The following GALNTL5 variants were observed in gnomAD, a reference collection of about 807,000 sequenced individuals.
GALNTL5 encodes the protein polypeptide N-acetylgalactosaminyltransferase like 5.
Under a neutral mutation model 51.0 loss-of-function variants are expected in GALNTL5, and 44 were observed. The observed-to-expected ratio is 0.86, with a 90% CI of 0.68 to 1.11. The LOEUF is 1.11. GALNTL5 is among the 50% of genes least tolerant of loss of function. The pLI is 0.00. For synonymous variants in GALNTL5, 192 were observed against 182.8 expected (o/e 1.05, Z -0.41); for missense variants, 528 against 531.8 (o/e 0.99, Z 0.07).
intron 3 of GALNTL5, among the ~76,000 whole-genome samples, chr7:151,980,967 G>T (rs920768064): frequency 1.3e-5 from 2 of 151,596 alleles, no homozygotes; most frequent in Non-Finnish European, 2.9e-5. Flanking sequence ...GGATGGTCTC[G>T]ATCTCCTGAC....
intron 2 of GALNTL5, among the ~76,000 whole-genome samples, chr7:151,968,670 C>T (rs952863040): frequency 5.9e-5 from 9 of 152,234 alleles, no homozygotes; most frequent in African/African-American, 2.2e-4. Flanking sequence ...TGAGTAGAAC[C>T]TGATTCTCTG....
At chr7:151,958,365 A>T (rs2080950457) in intron 1 of GALNTL5, among the ~76,000 whole-genome samples, 1 of 152,194 alleles carries the variant, frequency 6.6e-6, no homozygotes, top group African/African-American at 2.4e-5. Flanking sequence ...ATGAGGGGGA[A>T]CATGGTGGTG....
chr7:151,981,139 C>T (rs1012734980), intron 3 of GALNTL5, among the ~76,000 whole-genome samples: 1 of 152,114 alleles, frequency 6.6e-6, no homozygotes, highest in Non-Finnish European at 1.5e-5. Flanking sequence ...GAATCTTTTC[C>T]AGTCAATATT....
intron 7 of GALNTL5, among the ~76,000 whole-genome samples, chr7:152,010,377 C>T (rs2081715404): frequency 6.6e-6 from 1 of 152,170 alleles, no homozygotes; most frequent in South Asian, 2.1e-4. Context: ...TCCCAAAGTG[C>T]TGGGATTACA....
rs1308818991 is a variant in GALNTL5 at position 152,003,003 on chromosome 7, G to C, written c.908+40G>C. 6 of 1,577,908 alleles carry C rather than the reference G, an allele frequency of 3.8e-6. No homozygotes were observed. The African/African-American group carries it at 4.1e-5, about 11-fold the overall frequency. On this transcript the variant is annotated intron_variant, in intron 6 of 8. Coordinates refer to ENST00000392800, the MANE Select transcript of GALNTL5 (RefSeq NM_145292.4). ...GGTTTTGGAAAAATATAGCATACGT[G>C]TATTGAGACCCAGGGGGAAAAAGCC...
chr7:152,017,885 A>G (rs1057410802), intron 8 of GALNTL5, among the ~76,000 whole-genome samples: 5 of 151,416 alleles, frequency 3.3e-5, no homozygotes, highest in African/African-American at 1.2e-4. Context: ...TTGCTCTGTC[A>G]CCCAGGCTGG....
At chr7:152,003,641 G>A (rs999929424) in intron 6 of GALNTL5, among the ~76,000 whole-genome samples, 8 of 152,078 alleles carry the variant, frequency 5.3e-5, no homozygotes, top group Non-Finnish European at 1.2e-4. Context: ...GGAACAAAGA[G>A]GAACAAAAGT....
At chr7:151,982,282 T>C (rs1274019192) in intron 3 of GALNTL5, among the ~76,000 whole-genome samples, 2 of 151,826 alleles carry the variant, frequency 1.3e-5, no homozygotes, top group East Asian at 1.9e-4. Context: ...GGCATGGTGG[T>C]GCATGCCTGT....
chr7:151,958,396 A>G (rs1395448045), intron 1 of GALNTL5, among the ~76,000 whole-genome samples: 1 of 152,222 alleles, frequency 6.6e-6, no homozygotes, highest in Non-Finnish European at 1.5e-5. Flanking sequence ...CAGAGATGCC[A>G]ACCGCCACAG....
chr7:152,003,435 C>T (rs2081607107), intron 6 of GALNTL5, among the ~76,000 whole-genome samples: 1 of 152,232 alleles, frequency 6.6e-6, no homozygotes, highest in South Asian at 2.1e-4. Context: ...AGATGGCCCT[C>T]AGTTGGCACA....
In GALNTL5 at chr7:151,972,280, C is replaced by A. The variant is rs186357684; in HGVS notation, c.368+1215C>A. Reference sequence around the variant, plus strand: ...TGGAGTAAAGGTGACTCTTGTTATGCTTTAGCAAAGAGACTGGTGGCATTT... The same window carrying A: ...TGGAGTAAAGGTGACTCTTGTTATGATTTAGCAAAGAGACTGGTGGCATTT... On this transcript the variant is annotated intron_variant, in intron 3 of 8. Coordinates refer to ENST00000392800, the MANE Select transcript of GALNTL5 (RefSeq NM_145292.4). Among the ~76,000 whole-genome samples the A allele has an allele frequency of 7.2e-4, 109 of 152,308 alleles. No individual in the cohort carries two copies. In the East Asian group the frequency reaches 0.014, roughly 19 times the overall value.
In GALNTL5 at chr7:152,019,788, TGAACA is replaced by T; in HGVS notation, c.1321_1325del (p.Asn441ProfsTer18). 1.2e-6 allele frequency: 2 copies of T among 1,611,168 alleles called. No homozygotes were observed. The highest frequency in any genetic ancestry group is 1.7e-6 in the Non-Finnish European group (2 of 1,178,396). On this transcript the variant is annotated frameshift_variant, in exon 9 of 9. Coordinates refer to ENST00000392800, the MANE Select transcript of GALNTL5 (RefSeq NM_145292.4). LOFTEE classifies it high-confidence loss of function. ...GTCTTCCCAGAGTTGGAGGCATCTG[TGAACA>T]GCCTGTGAAAGGAAAACAAATCACT...
At chr7:152,000,009 G>C (rs1346606884) in intron 5 of GALNTL5, among the ~76,000 whole-genome samples, 2 of 152,226 alleles carry the variant, frequency 1.3e-5, no homozygotes, top group African/African-American at 2.4e-5. Flanking sequence ...TCAAAGCCTG[G>C]TGAGAGAGAC....
At position 152,002,884 on chromosome 7, in the gene GALNTL5, G is replaced by T; in HGVS notation, c.829G>T (p.Asp277Tyr). The T allele has an allele frequency of 6.2e-7, 1 of 1,614,000 alleles. No individual in the cohort carries two copies. The highest frequency in any genetic ancestry group is 1.6e-4 in the Middle Eastern group (1 of 6,062). Residue 277 changes from aspartate (D) to tyrosine (Y), a missense_variant, in exon 6 of 9, where the codon GAT becomes TAT. Physicochemically the swap from Asp to Tyr is radical, Grantham distance 160. Coordinates refer to ENST00000392800, the MANE Select transcript of GALNTL5 (RefSeq NM_145292.4). Reference protein sequence around the residue: ...KPSPLVRGTFDWNLQFKWDNV... With the variant: ...KPSPLVRGTFYWNLQFKWDNV... ...CTCTCCTCTTGTAAGGGGAACTTTT[G>T]ATTGGAACCTACAATTTAAATGGGA...
intron 3 of GALNTL5, among the ~76,000 whole-genome samples, chr7:151,978,411 C>T (rs2081233172): frequency 6.6e-6 from 1 of 152,132 alleles, no homozygotes; most frequent in Non-Finnish European, 1.5e-5. Flanking sequence ...TGGACTATTT[C>T]CACTCAAAAT....
At position 151,967,264 on chromosome 7, in the gene GALNTL5, T is replaced by G. The variant is rs750057660; in HGVS notation, c.18T>G (p.Ile6Met). ...GATTTACAATGAGAAATGCCATAAT[T>G]CAAGGTTTATTCTATGGGTCCTTGA... MRNAI[I>M]QGLFYGSLTF... Residue 6 changes from isoleucine (I) to methionine (M), a missense_variant, in exon 2 of 9, where the codon ATT becomes ATG. By Grantham distance (10) the Ile-to-Met change is conservative. Coordinates refer to ENST00000392800, the MANE Select transcript of GALNTL5 (RefSeq NM_145292.4). The G allele has an allele frequency of 6.2e-7, 1 of 1,611,592 alleles. No individual in the cohort carries two copies. Among genetic ancestry groups the G allele is most frequent in the Non-Finnish European group, 8.5e-7 (1 of 1,178,884 alleles).
At chr7:151,973,102 C>G (rs1436065738) in intron 3 of GALNTL5, among the ~76,000 whole-genome samples, 1 of 152,122 alleles carries the variant, frequency 6.6e-6, no homozygotes, top group Non-Finnish European at 1.5e-5. Flanking sequence ...TGGGAGCCCA[C>G]CCCTTGCATC....
chr7:151,966,036 G>C (rs1044964021), intron 1 of GALNTL5, among the ~76,000 whole-genome samples: 6 of 151,818 alleles, frequency 4.0e-5, no homozygotes, highest in Non-Finnish European at 7.4e-5. Flanking sequence ...TTTTTCCCAT[G>C]CATTTGCTAC....
chr7:152,017,492 C>T (rs892586635), intron 8 of GALNTL5, among the ~76,000 whole-genome samples: 1 of 152,158 alleles, frequency 6.6e-6, no homozygotes, highest in Admixed American at 6.5e-5. Flanking sequence ...AGCAGCCAAA[C>T]ACAACGGAAC....
Sources: allele counts gnomAD v4.1 joint callset (sites outside exome capture counted in the v4.1 genomes callset), GRCh38; gene constraint gnomAD v4.1.1; transcripts MANE v1.5; gene names NCBI Gene and HGNC (gene_info 2026-07-23, HGNC 2026-07-21).